The following CMTR1 variants were observed in gnomAD, a reference collection of about 807,000 sequenced individuals.
CMTR1 encodes the protein cap methyltransferase 1.
Under a neutral mutation model 107.0 loss-of-function variants are expected in CMTR1, and 39 were observed. The observed-to-expected ratio is 0.36, with a 90% CI of 0.28 to 0.48. The LOEUF is 0.48. Ranked by LOEUF, CMTR1 falls within the 20% of genes least tolerant of loss-of-function variation. The pLI, the probability that CMTR1 is intolerant of heterozygous loss-of-function variation, is 0.99. For synonymous variants in CMTR1, 366 were observed against 379.5 expected, an observed-to-expected ratio of 0.96 and a Z score of 0.41; for missense variants, 672 against 1,064.9, an observed-to-expected ratio of 0.63 and a Z score of 5.14.
chr6:37,464,892 C>CTGTGTGTGTG (rs61375488), intron 13 of CMTR1, among the ~76,000 whole-genome samples: 2,293 of 148,328 alleles, frequency 0.015, 24 homozygotes, highest in Non-Finnish European at 0.019. Context: ...TTCTAAAACG[C>CTGTGTGTGTG]TGTGTGTGTG....
At chr6:37,440,114 G>A (rs988135124) in intron 2 of CMTR1, among the ~76,000 whole-genome samples, 12 of 152,184 alleles carry the variant, frequency 7.9e-5, no homozygotes, top group African/African-American at 2.7e-4. Flanking sequence ...TCTTAAAACC[G>A]TACATACTGT....
chr6:37,430,947 T>A (rs1771354649), upstream of CMTR1, among the ~76,000 whole-genome samples: 1 of 143,340 alleles, frequency 7.0e-6, no homozygotes, highest in Middle Eastern at 3.7e-3. Flanking sequence ...CTGGAGGTGG[T>A]GCTTGCAGTG....
At chr6:37,432,338 C>A (rs1377730160), upstream of CMTR1, among the ~76,000 whole-genome samples, 2 of 152,150 alleles carry the variant, frequency 1.3e-5, no homozygotes, top group Non-Finnish European at 2.9e-5. Context: ...AAATTCCCTT[C>A]TTTTCACAGG....
chr6:37,478,359 T>A, intron 21 of CMTR1, 50 bp from the exon 22 acceptor site: 1 of 1,412,200 alleles, frequency 7.1e-7, no homozygotes, highest in Non-Finnish European at 1.0e-6. Context: ...ACTAATTTTA[T>A]CAGCCAGGGC....
In CMTR1 at chr6:37,457,195, G is replaced by A. The variant is rs144146166; in HGVS notation, c.778-1417G>A. Among the ~76,000 whole-genome samples, 108 of 151,506 alleles carry A rather than the reference G, an allele frequency of 7.1e-4. 3 individuals carry two copies. Among genetic ancestry groups the A allele is most frequent in the African/African-American group, 2.5e-3 (104 of 41,196 alleles). Reference sequence around the variant, plus strand: ...TTATTGTACCACTGTACTCCAGCATGGGCTGAGTGAGACCTCGTTGCCAAA... The same window carrying A: ...TTATTGTACCACTGTACTCCAGCATAGGCTGAGTGAGACCTCGTTGCCAAA... On this transcript the variant is annotated intron_variant, in intron 8 of 23. Coordinates refer to ENST00000373451, the MANE Select transcript of CMTR1 (RefSeq NM_015050.3).
intron 3 of CMTR1, among the ~76,000 whole-genome samples, chr6:37,445,019 CTG>C (rs1284620186): frequency 6.6e-6 from 1 of 152,026 alleles, no homozygotes; most frequent in Non-Finnish European, 1.5e-5. Context: ...AAGTGAGACT[CTG>C]TCTCAAAAAA....
At position 37,443,597 on chromosome 6, in the gene CMTR1, C is replaced by T. The variant is rs986123093; in HGVS notation, c.134-402C>T. On this transcript the variant is annotated intron_variant, in intron 2 of 23. Coordinates refer to ENST00000373451, the MANE Select transcript of CMTR1 (RefSeq NM_015050.3). ...CTTGAACTCCTGACCTCAAGTGATC[C>T]GCCCACCTCAGCGTCCTCCTGGAGT... 5.3e-5 allele frequency among the ~76,000 whole-genome samples: 8 copies of T among 152,154 alleles called. No homozygotes were observed. In the South Asian group the frequency reaches 1.4e-3, roughly 28 times the overall value.
intron 8 of CMTR1, 72 bp downstream of exon 8, chr6:37,453,384 AT>A: frequency 7.5e-7 from 1 of 1,331,412 alleles, no homozygotes; most frequent in Non-Finnish European, 1.1e-6. Context: ...AGCCATTGCC[AT>A]TTGTTCAATG....
In CMTR1 at chr6:37,472,127, G is replaced by C. The variant is rs1360443889; in HGVS notation, c.1620+223G>C. On this transcript the variant is annotated intron_variant, in intron 15 of 23. Coordinates refer to ENST00000373451, the MANE Select transcript of CMTR1 (RefSeq NM_015050.3). The surrounding 1 kb of genome is among the most constrained non-coding windows in gnomAD (Gnocchi z 4.1). ...GCTGGGTCAGAAAGGACTAAGGGGT[G>C]GGGTGTGGGGAGGTGGGCCGGTGTC... Among the ~76,000 whole-genome samples, 1 of 152,210 alleles carries C rather than the reference G, an allele frequency of 6.6e-6. No homozygotes were observed. The highest frequency in any genetic ancestry group is 2.4e-5 in the African/African-American group (1 of 41,456).
chr6:37,449,539 C>T (rs1771887947), intron 4 of CMTR1, among the ~76,000 whole-genome samples: 1 of 152,112 alleles, frequency 6.6e-6, no homozygotes, highest in African/African-American at 2.4e-5. Flanking sequence ...GAACGCCTGA[C>T]CTCAAGTGAT....
rs746989532 is a variant in CMTR1, at chr6:37,462,914, C to T, written c.1411C>T (p.Arg471Trp). The T allele has an allele frequency of 6.8e-6, 11 of 1,613,984 alleles. No homozygotes were observed. In the East Asian group the frequency reaches 1.1e-4, roughly 16 times the overall value. ...AGTGAATATTAAACTCAATCAGCTGCGGAACACGGATTCCGACGTCAACTT... is the reference window on the plus strand; with the variant it reads ...AGTGAATATTAAACTCAATCAGCTGTGGAACACGGATTCCGACGTCAACTT... ...FAVNIKLNQLRNTDSDVNLVV... is the reference protein window; with the variant it reads ...FAVNIKLNQLWNTDSDVNLVV... Residue 471 changes from arginine to tryptophan, a missense_variant, in exon 13 of 24, where the codon CGG becomes TGG. Coordinates refer to ENST00000373451, the MANE Select transcript of CMTR1 (RefSeq NM_015050.3).
chr6:37,437,297 T>A (rs1469260069), intron 2 of CMTR1, among the ~76,000 whole-genome samples: 1 of 150,016 alleles, frequency 6.7e-6, no homozygotes, highest in Non-Finnish European at 1.5e-5. Flanking sequence ...GAGGCTAAGG[T>A]GGGCGGATCA....
At chr6:37,430,825 T>G (rs914508559), upstream of CMTR1, among the ~76,000 whole-genome samples, 3 of 152,012 alleles carry the variant, frequency 2.0e-5, no homozygotes, top group Non-Finnish European at 4.4e-5. Context: ...CCATCCTGGC[T>G]AACACGGTGA....
chr6:37,479,926 A>T, intron 23 of CMTR1, 87 bp from the exon 24 acceptor site: 3 of 1,278,298 alleles, frequency 2.3e-6, no homozygotes, highest in Non-Finnish European at 3.1e-6. Flanking sequence ...TCATTGACAG[A>T]CCCCTCCGCC....
At chr6:37,428,022 G>C in the CMTR1 span, among the ~76,000 whole-genome samples, 1 of 104,020 alleles carries the variant, frequency 9.6e-6, no homozygotes, top group African/African-American at 4.5e-5. Flanking sequence ...GAGAGAGAGA[G>C]AGAGAGAGAG....
rs754082938 is a variant in CMTR1 at position 37,473,635 on chromosome 6, A to G, written c.1821+34A>G. 1.2e-5 allele frequency: 19 copies of G among 1,605,134 alleles called. No individual in the cohort carries two copies. In the African/African-American group the frequency reaches 2.5e-4, roughly 21 times the overall value. ...GCAGCTGGCTTCCTGCCCAGCTTGG[A>G]ATGGTGGATTTGCCCTTTGCGGAAT... is the stretch of plus-strand genomic sequence containing the variant. On this transcript the variant is annotated intron_variant, in intron 17 of 23. Transcript: ENST00000373451.
In CMTR1 at chr6:37,481,083, C is replaced by A; in HGVS notation, c.*938C>A. ...GAATTCTGAGCTTGAAGTGCAGCTCCCTTACTACCCTTTCCCTTCCTTTTT... is the reference window on the plus strand; with the variant it reads ...GAATTCTGAGCTTGAAGTGCAGCTCACTTACTACCCTTTCCCTTCCTTTTT... On this transcript the variant is annotated 3_prime_UTR_variant, in exon 24 of 24. Transcript: ENST00000373451. 7.7e-7 allele frequency: 1 copy of A among 1,304,268 alleles called. No homozygotes were observed. The highest frequency in any genetic ancestry group is 1.0e-6 in the Non-Finnish European group (1 of 988,964). The allele number at this position is 1,304,268 out of a possible 1,614,324, so 80.8% of individuals were successfully genotyped here. A position where few individuals can be genotyped will look rare whatever the true frequency, so the allele number is the denominator to read the frequency against.
intron 2 of CMTR1, among the ~76,000 whole-genome samples, chr6:37,439,118 T>C (rs183521115): frequency 1.3e-5 from 2 of 152,320 alleles, no homozygotes; most frequent in East Asian, 3.9e-4. Context: ...ATTATTCACA[T>C]GGTAGCTGCA....
At chr6:37,456,752 C>T (rs1019694393) in intron 8 of CMTR1, among the ~76,000 whole-genome samples, 1 of 152,160 alleles carries the variant, frequency 6.6e-6, no homozygotes, top group Non-Finnish European at 1.5e-5. Flanking sequence ...TTGTAGAACT[C>T]AACCTTTTGT....
Sources: allele counts gnomAD v4.1 joint callset (sites outside exome capture counted in the v4.1 genomes callset), GRCh38; gene constraint gnomAD v4.1.1; non-coding constraint Gnocchi (gnomAD v3.1); transcripts MANE v1.5; gene names NCBI Gene and HGNC (gene_info 2026-07-23, HGNC 2026-07-21).